The following MALRD1 variants were observed in gnomAD, a reference collection of about 807,000 sequenced individuals.
MALRD1 encodes the protein MAM and LDL-receptor class A domain-containing protein 1.
MALRD1 carries 247 observed loss-of-function variants against 242.1 expected under a neutral mutation model. The ratio of observed to expected loss-of-function variants is 1.02; its 90% CI spans 0.92 to 1.13. MALRD1 has a LOEUF of 1.13. Among genes scored for constraint, MALRD1 ranks in the 50% most tolerant of loss-of-function variants. The pLI, the probability that MALRD1 is intolerant of heterozygous loss-of-function variation, is 0.00. For missense variants in MALRD1, 2,989 were observed against 2,533.1 expected, an observed-to-expected ratio of 1.18 and a Z score of -3.86; for synonymous variants, 995 against 866.6, an observed-to-expected ratio of 1.15 and a Z score of -2.60.
At chr10:19,376,371 T>A (rs533912365) in intron 26 of MALRD1, among the ~76,000 whole-genome samples, 37 of 152,116 alleles carry the variant, frequency 2.4e-4, no homozygotes, top group African/African-American at 8.4e-4. Flanking sequence ...AAGAACCAAT[T>A]ACATGTGTAG....
At chr10:19,672,525 G>A (rs1318471998) in intron 36 of MALRD1, among the ~76,000 whole-genome samples, 2 of 150,810 alleles carry the variant, frequency 1.3e-5, no homozygotes, top group African/African-American at 4.9e-5. Flanking sequence ...CTGGGTTCAA[G>A]CAATTCTCCT....
chr10:19,668,205 C>A (rs538893872), intron 36 of MALRD1, among the ~76,000 whole-genome samples: 1 of 152,286 alleles, frequency 6.6e-6, no homozygotes, highest in East Asian at 1.9e-4. Context: ...GGAGAGAAAC[C>A]TGTTTCATTT....
chr10:19,322,952 G>A (rs1316577607), intron 21 of MALRD1, among the ~76,000 whole-genome samples: 2 of 152,120 alleles, frequency 1.3e-5, no homozygotes, highest in Non-Finnish European at 2.9e-5. Context: ...TCAAAAAGCT[G>A]TATATAACCT....
At chr10:19,141,459 TA>T (rs1356456127) in intron 10 of MALRD1, among the ~76,000 whole-genome samples, 1 of 152,120 alleles carries the variant, frequency 6.6e-6, no homozygotes, top group Non-Finnish European at 1.5e-5. Context: ...TGGATGGTGG[TA>T]ATGGTTGTAC....
intron 36 of MALRD1, among the ~76,000 whole-genome samples, chr10:19,644,680 A>AT (rs998285196): frequency 6.6e-5 from 10 of 152,206 alleles, no homozygotes; most frequent in African/African-American, 2.4e-4. Context: ...AATGGTCACC[A>AT]TTTTTTAATA....
chr10:19,616,281 TTTTCA>T (rs2131611833), intron 36 of MALRD1, among the ~76,000 whole-genome samples: 1 of 152,146 alleles, frequency 6.6e-6, no homozygotes, highest in Admixed American at 6.6e-5. Context: ...GTATTTTCTC[TTTTCA>T]TTTCAATGTT....
chr10:19,654,775 A>G (rs530434823), intron 36 of MALRD1, among the ~76,000 whole-genome samples: 1 of 152,280 alleles, frequency 6.6e-6, no homozygotes, highest in African/African-American at 2.4e-5. Context: ...CACAGAAGGG[A>G]AATCAGGAAG....
intron 21 of MALRD1, among the ~76,000 whole-genome samples, chr10:19,289,744 T>C (rs1841316389): frequency 6.6e-6 from 1 of 152,212 alleles, no homozygotes; most frequent in African/African-American, 2.4e-5. Context: ...AAGGAAAACT[T>C]TTCTAATTTT....
chr10:19,530,448 A>G (rs1191129130), intron 31 of MALRD1, among the ~76,000 whole-genome samples: 3 of 100,164 alleles, frequency 3.0e-5, no homozygotes, highest in East Asian at 2.5e-4. Flanking sequence ...AATATATAAT[A>G]TATAATATAT....
chr10:19,340,896 C>T (rs1483122561), intron 24 of MALRD1, among the ~76,000 whole-genome samples: 1 of 152,080 alleles, frequency 6.6e-6, no homozygotes, highest in Non-Finnish European at 1.5e-5. Context: ...ATCTGAGACT[C>T]ACTAAATCAT....
At chr10:19,237,957 G>GAA (rs1564491337) in intron 18 of MALRD1, among the ~76,000 whole-genome samples, 2,442 of 63,954 alleles carry the variant, frequency 0.038, 126 homozygotes, top group Admixed American at 0.065. Flanking sequence ...TAAATTATAT[G>GAA]TAATTTTATA....
At chr10:19,454,426 AT>A in intron 29 of MALRD1, among the ~76,000 whole-genome samples, 2 of 140,688 alleles carry the variant, frequency 1.4e-5, no homozygotes, top group African/African-American at 2.6e-5. Context: ...ATATATATAT[AT>A]ATATAATTAT....
At chr10:19,733,775 T>G (rs1835386618) in intron 39 of MALRD1, among the ~76,000 whole-genome samples, 1 of 151,128 alleles carries the variant, frequency 6.6e-6, no homozygotes. Flanking sequence ...CATTTAAACT[T>G]ATATAAAATG....
At chr10:19,521,327 C>G (rs1005235141) in intron 31 of MALRD1, among the ~76,000 whole-genome samples, 1 of 152,034 alleles carries the variant, frequency 6.6e-6, no homozygotes, top group Admixed American at 6.6e-5. Flanking sequence ...TGTCCTTAAA[C>G]TGTCACTCTG....
At chr10:19,240,073 G>T (rs1838689656) in intron 18 of MALRD1, among the ~76,000 whole-genome samples, 1 of 152,072 alleles carries the variant, frequency 6.6e-6, no homozygotes, top group Non-Finnish European at 1.5e-5. Context: ...CATTGAATCT[G>T]TAGGACATTT....
intron 18 of MALRD1, among the ~76,000 whole-genome samples, chr10:19,250,931 C>T (rs10740864): frequency 6.6e-6 from 1 of 151,562 alleles, no homozygotes; most frequent in Non-Finnish European, 1.5e-5. Context: ...CAATTTCTTA[C>T]ATCTTTTTTG....
At chr10:19,389,386 T>C (rs746460123) in intron 27 of MALRD1, 66 bp from the exon 28 acceptor site, 4 of 1,489,154 alleles carry the variant, frequency 2.7e-6, no homozygotes, top group South Asian at 2.4e-5. Flanking sequence ...CTAACTATGA[T>C]GGAAATGCAA....
At chr10:19,602,235 G>A (rs1203116974) in intron 34 of MALRD1, among the ~76,000 whole-genome samples, 6 of 135,110 alleles carry the variant, frequency 4.4e-5, no homozygotes, top group Non-Finnish European at 9.1e-5. Context: ...TGGGGTGCAC[G>A]TGCACAACGT....
Position 19,531,247 on chromosome 10 carries a change from G to A in MALRD1, c.5374G>A (p.Val1792Ile), listed in dbSNP as rs774982488. 13 of 1,550,264 alleles carry A rather than the reference G, an allele frequency of 8.4e-6. No homozygotes were observed. The highest frequency in any genetic ancestry group is 2.4e-5 in the East Asian group (1 of 40,922). The change falls in exon 32 of 40, where the codon GTT becomes ATT. Residue 1792 changes from valine (V) to isoleucine (I), a missense_variant. By Grantham distance (29) the Val-to-Ile change is conservative. Transcript: ENST00000454679. ...VNSSGSKEGS[V>I]ARITTSKSFP... ...CTCATCTGGCTCCAAGGAAGGATCCGTTGCCAGAATTACTACTTCCAAATC... is the reference window on the plus strand; with the variant it reads ...CTCATCTGGCTCCAAGGAAGGATCCATTGCCAGAATTACTACTTCCAAATC...
Sources: gnomAD v4.1 joint callset for allele counts (sites outside exome capture counted in the v4.1 genomes callset) on GRCh38, gnomAD v4.1.1 for gene constraint, MANE v1.5 for transcripts, NCBI Gene and HGNC (gene_info 2026-07-23, HGNC 2026-07-21) for gene names.